PPP2R2B: variants seen among roughly 807,000 people sequenced by gnomAD.
The protein encoded by PPP2R2B is serine/threonine-protein phosphatase 2A 55 kDa regulatory subunit B beta isoform.
PPP2R2B carries 5 observed loss-of-function variants against 46.0 expected under a neutral mutation model. The observed-to-expected ratio is 0.11, with a 90% CI of 0.06 to 0.23. The LOEUF is 0.23. Ranked by LOEUF, PPP2R2B falls within the 10% of genes least tolerant of loss-of-function variation. The pLI, the probability that PPP2R2B is intolerant of heterozygous loss-of-function variation, is 1.00. For synonymous variants in PPP2R2B, 215 were observed against 206.7 expected (o/e 1.04, Z -0.34); for missense variants, 367 against 575.0 (o/e 0.64, Z 3.70).
intron 2 of PPP2R2B, among the ~76,000 whole-genome samples, chr5:146,795,877 C>T (rs938782675): frequency 3.3e-5 from 5 of 152,084 alleles, no homozygotes; most frequent in Middle Eastern, 3.2e-3. Flanking sequence ...AAATGACCAG[C>T]GTAGTATCTG....
At chr5:146,724,460 T>C (rs1443041659) in intron 2 of PPP2R2B, among the ~76,000 whole-genome samples, 1 of 152,174 alleles carries the variant, frequency 6.6e-6, no homozygotes, top group Non-Finnish European at 1.5e-5. Flanking sequence ...GAATTCAGCA[T>C]AGTGATCGAC....
chr5:146,775,588 C>A (rs1755133668), intron 2 of PPP2R2B, among the ~76,000 whole-genome samples: 1 of 152,110 alleles, frequency 6.6e-6, no homozygotes, highest in African/African-American at 2.4e-5. Flanking sequence ...CTGCTTTTAT[C>A]ACTTATATTC....
At chr5:146,989,432 G>A (rs1031370139) in intron 1 of PPP2R2B, among the ~76,000 whole-genome samples, 9 of 152,042 alleles carry the variant, frequency 5.9e-5, no homozygotes, top group Admixed American at 5.2e-4. Flanking sequence ...AGGGATGCAA[G>A]GATGGTTCAA....
chr5:146,751,836 A>G (rs1319489436), intron 2 of PPP2R2B, among the ~76,000 whole-genome samples: 1 of 152,190 alleles, frequency 6.6e-6, no homozygotes, highest in African/African-American at 2.4e-5. Context: ...GGAGCACAAC[A>G]CAAAAGCACA....
chr5:146,608,784 C>CA (rs1471520572), intron 7 of PPP2R2B, among the ~76,000 whole-genome samples: 1 of 151,926 alleles, frequency 6.6e-6, no homozygotes, highest in Non-Finnish European at 1.5e-5. Flanking sequence ...GACTCTGTCT[C>CA]AAAAACAAAC....
intron 1 of PPP2R2B, among the ~76,000 whole-genome samples, chr5:146,962,112 A>G (rs1752197310): frequency 6.9e-6 from 1 of 145,502 alleles, no homozygotes; most frequent in Admixed American, 7.0e-5. Context: ...CCCATCTAGT[A>G]TGGTCTTCTG....
intron 2 of PPP2R2B, among the ~76,000 whole-genome samples, chr5:146,852,077 A>T (rs949142500): frequency 7.2e-5 from 11 of 152,128 alleles, no homozygotes; most frequent in African/African-American, 2.7e-4. Flanking sequence ...GAAAGAAAAA[A>T]ATTAAAATTA....
chr5:146,675,629 T>C (rs1325840252), intron 5 of PPP2R2B, among the ~76,000 whole-genome samples: 1 of 152,202 alleles, frequency 6.6e-6, no homozygotes, highest in Admixed American at 6.5e-5. Context: ...ATTGTTAGAT[T>C]AGCAGTAAAT....
intron 2 of PPP2R2B, among the ~76,000 whole-genome samples, chr5:146,784,558 T>C (rs1192520380): frequency 6.6e-6 from 1 of 152,162 alleles, no homozygotes; most frequent in Non-Finnish European, 1.5e-5. Context: ...AGAATGAATA[T>C]CAATTAGAAC....
At chr5:146,893,414 C>G (rs1762548983) in intron 1 of PPP2R2B, among the ~76,000 whole-genome samples, 1 of 152,152 alleles carries the variant, frequency 6.6e-6, no homozygotes, top group Non-Finnish European at 1.5e-5. Context: ...TGCCCACCAT[C>G]GACCTAGCTG....
intron 2 of PPP2R2B, among the ~76,000 whole-genome samples, chr5:146,853,964 C>T (rs1760497215): frequency 6.6e-6 from 1 of 152,054 alleles, no homozygotes; most frequent in East Asian, 1.9e-4. Context: ...ATCAGAGAAC[C>T]TCTCATTCTG....
intron 1 of PPP2R2B, among the ~76,000 whole-genome samples, chr5:147,013,012 A>G (rs1456924907): frequency 1.3e-5 from 2 of 151,770 alleles, no homozygotes; most frequent in Non-Finnish European, 2.9e-5. Flanking sequence ...AATCTCCTTA[A>G]GCTGATAAGC....
intron 1 of PPP2R2B, among the ~76,000 whole-genome samples, chr5:146,944,333 T>C (rs1404690269): frequency 6.6e-6 from 1 of 152,114 alleles, no homozygotes; most frequent in Non-Finnish European, 1.5e-5. Context: ...AAAAGAGATT[T>C]TCAAGCTTTA....
At chr5:146,624,442 T>C (rs1423036) in intron 7 of PPP2R2B, among the ~76,000 whole-genome samples, 3,160 of 152,146 alleles carry the variant, frequency 0.021, 50 homozygotes, top group Admixed American at 0.064. Context: ...ACAGTTCTAT[T>C]AACTTTACAC....
chr5:146,959,641 G>T (rs1437875612), intron 1 of PPP2R2B, among the ~76,000 whole-genome samples: 1 of 152,164 alleles, frequency 6.6e-6, no homozygotes, highest in South Asian at 2.1e-4. Flanking sequence ...CAATGGAAAG[G>T]TTTCTGGGTC....
At chr5:146,856,884 A>G (rs1760704016) in intron 2 of PPP2R2B, among the ~76,000 whole-genome samples, 1 of 152,176 alleles carries the variant, frequency 6.6e-6, no homozygotes, top group African/African-American at 2.4e-5. Context: ...TTACCTGGGA[A>G]ACTGAAAAAA....
At chr5:146,772,650 C>T (rs2151272347) in intron 2 of PPP2R2B, among the ~76,000 whole-genome samples, 1 of 152,060 alleles carries the variant, frequency 6.6e-6, no homozygotes, top group Non-Finnish European at 1.5e-5. Flanking sequence ...TCTTCAGGGG[C>T]CTAGCCATGG....
intron 1 of PPP2R2B, among the ~76,000 whole-genome samples, chr5:146,966,407 C>T (rs1752410190): frequency 6.6e-6 from 1 of 152,130 alleles, no homozygotes; most frequent in Non-Finnish European, 1.5e-5. Context: ...TATGTAGACT[C>T]CCCTCTATCT....
At chr5:146,643,160 G>A (rs1362004985) in intron 6 of PPP2R2B, among the ~76,000 whole-genome samples, 1 of 151,792 alleles carries the variant, frequency 6.6e-6, no homozygotes, top group Non-Finnish European at 1.5e-5. Flanking sequence ...CCAAGACCAC[G>A]TAAAAGATAT....
Sources: allele counts gnomAD v4.1 joint callset (sites outside exome capture counted in the v4.1 genomes callset), GRCh38; gene constraint gnomAD v4.1.1; transcripts MANE v1.5; gene names NCBI Gene and HGNC (gene_info 2026-07-23, HGNC 2026-07-21).